CAMSAP2: variants seen among roughly 807,000 people sequenced by gnomAD.
CAMSAP2 encodes calmodulin-regulated spectrin-associated protein 2.
CAMSAP2 carries 26 observed loss-of-function variants against 146.1 expected under a neutral mutation model. That is an observed-to-expected ratio of 0.18 (90% confidence interval 0.13 to 0.25). The LOEUF is 0.25. CAMSAP2 is among the 10% of genes least tolerant of loss of function. The pLI is 1.00. For missense variants in CAMSAP2, 1,381 were observed against 1,759.3 expected, an observed-to-expected ratio of 0.78 and a Z score of 3.85; for synonymous variants, 499 against 596.6, an observed-to-expected ratio of 0.84 and a Z score of 2.38.
chr1:200,739,710 A>C lies in CAMSAP2; in HGVS notation c.-118A>C. 1.0e-5 allele frequency: 9 copies of C among 890,330 alleles called. No individual in the cohort carries two copies. Among genetic ancestry groups the C allele is most frequent in the East Asian group, 3.7e-5 (1 of 26,818 alleles). 55.2% of individuals were successfully genotyped at this position (890,330 alleles called of 1,614,324 possible). A position where few individuals can be genotyped will look rare whatever the true frequency, so the allele number is the denominator to read the frequency against. On this transcript the variant is annotated 5_prime_UTR_variant, in exon 1 of 17. Coordinates refer to ENST00000358823, the MANE Select transcript of CAMSAP2 (RefSeq NM_203459.4). The surrounding 1 kb of genome is among the most constrained non-coding windows in gnomAD (Gnocchi z 4.8). ...TTCTCCTCCGTCGGCGCCCGGGCGG[A>C]CATCGCCCGGGCCCCGATGGTTTGA... is the stretch of plus-strand genomic sequence containing the variant.
Position 200,848,253 on chromosome 1 carries a change from A to G in CAMSAP2, c.1484A>G (p.His495Arg). 1 of 1,613,410 alleles carries G rather than the reference A, an allele frequency of 6.2e-7. No individual in the cohort carries two copies. Reference protein sequence around the residue: ...SIEEELNIDSHSDLKSCVPLN... With the variant: ...SIEEELNIDSRSDLKSCVPLN... ...GAAGAAGAACTTAATATAGATTCTC[A>G]CAGTGACCTCAAATCTTGTGTGCCC... Residue 495 changes from histidine (H) to arginine (R), a missense_variant, in exon 11 of 17, where the codon CAC becomes CGC. Transcript: ENST00000358823.
chr1:200,854,274 G>A (rs185695169), intron 13 of CAMSAP2, among the ~76,000 whole-genome samples: 7 of 152,176 alleles, frequency 4.6e-5, no homozygotes, highest in East Asian at 3.9e-4. Flanking sequence ...GAGTCACTGC[G>A]CCTGGCCATA....
At chr1:200,852,760 A>C (rs1008915518) in intron 12 of CAMSAP2, 83 bp downstream of exon 12, 345 of 1,386,890 alleles carry the variant, frequency 2.5e-4, no homozygotes, top group Middle Eastern at 1.1e-3. Flanking sequence ...AAGTACTCAA[A>C]GAGGTGGTCT....
At chr1:200,834,993 G>T (rs1306940793) in intron 6 of CAMSAP2, among the ~76,000 whole-genome samples, 1 of 152,120 alleles carries the variant, frequency 6.6e-6, no homozygotes, top group African/African-American at 2.4e-5. Context: ...GTAATTATTT[G>T]AAGTTCAAGA....
chr1:200,800,319 A>G (rs914558415), intron 2 of CAMSAP2, among the ~76,000 whole-genome samples: 10 of 152,128 alleles, frequency 6.6e-5, no homozygotes, highest in Non-Finnish European at 1.2e-4. Flanking sequence ...GTAGGCCTCT[A>G]AGAACTTGCT....
intron 4 of CAMSAP2, among the ~76,000 whole-genome samples, chr1:200,816,236 C>T (rs1666479527): frequency 6.6e-6 from 1 of 151,554 alleles, no homozygotes; most frequent in Non-Finnish European, 1.5e-5. Flanking sequence ...TGCAGTGAGC[C>T]GAGATCATGC....
At chr1:200,851,191 TTTTATTTA>T (rs942150003) in intron 11 of CAMSAP2, among the ~76,000 whole-genome samples, 2 of 152,008 alleles carry the variant, frequency 1.3e-5, no homozygotes, top group African/African-American at 4.8e-5. Flanking sequence ...ATCTTTTTAT[TTTTATTTA>T]TTTATTTATT....
intron 4 of CAMSAP2, among the ~76,000 whole-genome samples, chr1:200,820,459 T>A (rs946886063): frequency 6.6e-6 from 1 of 152,194 alleles, no homozygotes; most frequent in Non-Finnish European, 1.5e-5. Flanking sequence ...AGGAATTAGG[T>A]GAAGGAATTA....
At chr1:200,748,273 A>G (rs1015232043) in intron 1 of CAMSAP2, among the ~76,000 whole-genome samples, 1 of 152,186 alleles carries the variant, frequency 6.6e-6, no homozygotes, top group Non-Finnish European at 1.5e-5. Flanking sequence ...CAAATTCCAA[A>G]CATCATGTCA....
At chr1:200,743,716 G>A (rs1158017920) in intron 1 of CAMSAP2, among the ~76,000 whole-genome samples, 1 of 151,940 alleles carries the variant, frequency 6.6e-6, no homozygotes, top group Non-Finnish European at 1.5e-5. Flanking sequence ...CAAGGCGGGT[G>A]GATCACCTGA....
intron 2 of CAMSAP2, among the ~76,000 whole-genome samples, chr1:200,778,105 A>G (rs1242711295): frequency 2.0e-5 from 3 of 152,228 alleles, no homozygotes; most frequent in African/African-American, 7.2e-5. Flanking sequence ...AAACAATTTT[A>G]TATAGAATCT....
At chr1:200,810,638 C>T (rs1666305305) in intron 3 of CAMSAP2, among the ~76,000 whole-genome samples, 1 of 151,688 alleles carries the variant, frequency 6.6e-6, no homozygotes, top group Non-Finnish European at 1.5e-5. Context: ...TCTGTAATCC[C>T]ACTACTTTGG....
intron 6 of CAMSAP2, among the ~76,000 whole-genome samples, chr1:200,834,316 T>C (rs1667119856): frequency 6.6e-6 from 1 of 151,908 alleles, no homozygotes; most frequent in African/African-American, 2.4e-5. Context: ...TGAGCTGAGA[T>C]GGCACCACTG....
rs540847853 is a variant in CAMSAP2 at position 200,739,620 on chromosome 1, A to AGCGGCG, written c.-190_-185dup. 75 of 304,408 alleles carry AGCGGCG rather than the reference A, an allele frequency of 2.5e-4. No individual in the cohort carries two copies. The highest frequency in any genetic ancestry group is 1.5e-3 in the East Asian group (23 of 15,346). 18.9% of individuals were successfully genotyped at this position (304,408 alleles called of 1,614,324 possible). On this transcript the variant is annotated 5_prime_UTR_variant, in exon 1 of 17. Coordinates refer to ENST00000358823, the MANE Select transcript of CAMSAP2 (RefSeq NM_203459.4). This position sits in a 1 kb window ranked among gnomAD's most constrained non-coding sequence, Gnocchi z 4.8. ...GCGCCGCCACATTCCTATGCCCGGGAGCGGCGGCGGCGGCGGCGGCGGCTC... is the reference window on the plus strand; with the variant it reads ...GCGCCGCCACATTCCTATGCCCGGGAGCGGCGGCGGCGGCGGCGGCGGCGGCGGCTC...
At position 200,776,763 on chromosome 1, in the gene CAMSAP2, C is replaced by T. The variant is rs1202681087; in HGVS notation, c.399+15665C>T. On this transcript the variant is annotated intron_variant, in intron 2 of 16. Transcript: ENST00000358823. ...AAACAACAACAACAAAAAACCCAGA[C>T]ATTCATGAAAAAGGAAGCTTTTTAT... Among the ~76,000 whole-genome samples the T allele has an allele frequency of 2.6e-5, 4 of 152,028 alleles. No individual in the cohort carries two copies. The East Asian group carries it at 7.7e-4, about 29-fold the overall frequency.
chr1:200,835,585 C>A (rs1667165826), intron 6 of CAMSAP2, among the ~76,000 whole-genome samples: 1 of 152,068 alleles, frequency 6.6e-6, no homozygotes, highest in Non-Finnish European at 1.5e-5. Flanking sequence ...TCCTGCTGAC[C>A]CAAAGTTGTA....
At chr1:200,768,810 CG>C (rs1665032322) in intron 2 of CAMSAP2, among the ~76,000 whole-genome samples, 1 of 151,940 alleles carries the variant, frequency 6.6e-6, no homozygotes. Flanking sequence ...TGTGCCACCA[CG>C]CCTGGCTAAT....
At position 200,848,404 on chromosome 1, in the gene CAMSAP2, A is replaced by G. The variant is rs573055864; in HGVS notation, c.1635A>G (p.Ala545=). The G allele has an allele frequency of 1.4e-5, 23 of 1,614,038 alleles. No homozygotes were observed. The East Asian group carries it at 4.5e-4, about 31-fold the overall frequency. ...TCGAGACACCAAGCATTGAAGAAGC[A>G]TTACAAATAATTCATGATACTGAAA... ...NQIETPSIEE[A]LQIIHDTEKS... is the part of the protein sequence containing the mutation. The change falls in exon 11 of 17, where the codon GCA becomes GCG. Residue 545 remains alanine, a synonymous_variant. Coordinates refer to ENST00000358823, the MANE Select transcript of CAMSAP2 (RefSeq NM_203459.4).
chr1:200,815,109 C>A (rs1350248583), intron 3 of CAMSAP2, among the ~76,000 whole-genome samples: 1 of 152,104 alleles, frequency 6.6e-6, no homozygotes, highest in East Asian at 1.9e-4. Context: ...TAAACTCCCC[C>A]ATGATCATGG....
Sources: allele counts gnomAD v4.1 joint callset (sites outside exome capture counted in the v4.1 genomes callset), GRCh38; gene constraint gnomAD v4.1.1; non-coding constraint Gnocchi (gnomAD v3.1); transcripts MANE v1.5; gene names NCBI Gene and HGNC (gene_info 2026-07-23, HGNC 2026-07-21).